The following PARD3 variants were observed in gnomAD, a reference collection of about 807,000 sequenced individuals.
PARD3 encodes partitioning defective 3 homolog.
A neutral mutation model predicts 155.4 loss-of-function variants in PARD3; 75 were observed. The ratio of observed to expected loss-of-function variants is 0.48; its 90% CI spans 0.40 to 0.58. PARD3 has a LOEUF of 0.58. PARD3 is among the 20% of genes least tolerant of loss of function. The probability of loss-of-function intolerance (pLI) is 0.00; values close to 1 mark genes in which losing one functional copy is unlikely to be tolerated. For synonymous variants in PARD3, 576 were observed against 610.5 expected (o/e 0.94, Z 0.83); for missense variants, 1,642 against 1,721.7 (o/e 0.95, Z 0.82).
At chr10:34,691,193 C>G (rs1014703380) in intron 2 of PARD3, among the ~76,000 whole-genome samples, 13 of 152,058 alleles carry the variant, frequency 8.5e-5, no homozygotes, top group African/African-American at 3.1e-4. Flanking sequence ...CCTAGAAAAC[C>G]CCACAGTCTC....
rs972526137 is a variant in PARD3, at chr10:34,508,814, C to T, written c.403+8165G>A. Among the ~76,000 whole-genome samples the T allele has an allele frequency of 1.6e-4, 24 of 152,290 alleles. 1 individual carries two copies. The highest frequency in any genetic ancestry group is 5.3e-4 in the African/African-American group (22 of 41,558). On this transcript the variant is annotated intron_variant, in intron 3 of 24. Coordinates refer to ENST00000374788, the MANE Select transcript of PARD3 (RefSeq NM_001184785.2). ...GCTGAGTAACGTCTCAACCTCTTTA[C>T]ACATCCCCAGGAAGTGGATCTGCAC...
At chr10:34,316,265 A>G (rs1214981057) in intron 20 of PARD3, among the ~76,000 whole-genome samples, 1 of 152,232 alleles carries the variant, frequency 6.6e-6, no homozygotes, top group Admixed American at 6.5e-5. Context: ...AGCAATCTTT[A>G]TATTTAACAT....
chr10:34,210,079 T>G lies in PARD3; in HGVS notation c.3419+59578A>C, dbSNP rs181346739. ...GAATTCATAACAAAATGTGAACATG[T>G]GAGTGATACTGTGTCTTTATGAAAT... On this transcript the variant is annotated intron_variant, in intron 22 of 24. Coordinates refer to ENST00000374788, the MANE Select transcript of PARD3 (RefSeq NM_001184785.2). 1.9e-4 allele frequency among the ~76,000 whole-genome samples: 29 copies of G among 152,338 alleles called. No homozygotes were observed. In the East Asian group the frequency reaches 5.4e-3, roughly 28 times the overall value.
chr10:34,766,785 T>C (rs1300472278), intron 1 of PARD3, among the ~76,000 whole-genome samples: 2 of 152,130 alleles, frequency 1.3e-5, no homozygotes, highest in African/African-American at 4.8e-5. Flanking sequence ...TGCACACAAT[T>C]ACAACGCAGG....
intron 22 of PARD3, among the ~76,000 whole-genome samples, chr10:34,208,684 C>A (rs950211474): frequency 6.6e-6 from 1 of 152,132 alleles, no homozygotes; most frequent in Non-Finnish European, 1.5e-5. Context: ...GCAGGGTGAG[C>A]GTTCAGGAAA....
At chr10:34,533,379 G>C (rs966633372) in intron 2 of PARD3, among the ~76,000 whole-genome samples, 1 of 151,884 alleles carries the variant, frequency 6.6e-6, no homozygotes, top group African/African-American at 2.4e-5. Flanking sequence ...TCAACATAAC[G>C]CAATATATCC....
At chr10:34,569,567 G>A (rs567320441) in intron 2 of PARD3, among the ~76,000 whole-genome samples, 52 of 151,976 alleles carry the variant, frequency 3.4e-4, no homozygotes, top group African/African-American at 1.0e-3. Context: ...ACAGGTGCCC[G>A]CCATCACACC....
At chr10:34,524,173 TA>T (rs1371594632) in intron 2 of PARD3, among the ~76,000 whole-genome samples, 1 of 152,180 alleles carries the variant, frequency 6.6e-6, no homozygotes, top group Non-Finnish European at 1.5e-5. Context: ...CAATCTTTAA[TA>T]AAGCCATTTC....
intron 5 of PARD3, among the ~76,000 whole-genome samples, chr10:34,405,089 C>T (rs1589449666): frequency 6.8e-6 from 1 of 147,314 alleles, no homozygotes; most frequent in Admixed American, 6.7e-5. Context: ...AACACACACA[C>T]ACACACACAC....
intron 1 of PARD3, among the ~76,000 whole-genome samples, chr10:34,799,666 T>C (rs962811249): frequency 6.6e-6 from 1 of 152,172 alleles, no homozygotes; most frequent in African/African-American, 2.4e-5. Flanking sequence ...AGCAACTCAC[T>C]GTGCAGGCTC....
intron 5 of PARD3, among the ~76,000 whole-genome samples, chr10:34,435,849 T>C (rs2076161703): frequency 6.6e-6 from 1 of 152,170 alleles, no homozygotes; most frequent in Admixed American, 6.5e-5. Flanking sequence ...TGGGCAAAAG[T>C]TACTGTTGAG....
chr10:34,547,247 G>A (rs2084154755), intron 2 of PARD3, among the ~76,000 whole-genome samples: 3 of 152,140 alleles, frequency 2.0e-5, no homozygotes, highest in Admixed American at 2.0e-4. Flanking sequence ...CTTAAAAACT[G>A]GATTACTTAC....
intron 2 of PARD3, among the ~76,000 whole-genome samples, chr10:34,673,746 C>T (rs1295531790): frequency 6.6e-6 from 1 of 152,070 alleles, no homozygotes; most frequent in Non-Finnish European, 1.5e-5. Flanking sequence ...AAACAAGAGA[C>T]AGAGAAGAAA....
chr10:34,709,443 CG>C (rs2094417959), intron 1 of PARD3, among the ~76,000 whole-genome samples: 1 of 152,040 alleles, frequency 6.6e-6, no homozygotes. Flanking sequence ...ATTAGGAGTG[CG>C]AACAGGAAAA....
chr10:34,111,431 A>G lies in PARD3; in HGVS notation c.3800T>C (p.Leu1267Pro). ...SSYQGSRNGY[L>P]GGHGFNARVM... ...CCTGGCGTTGAAGCCATGTCCTCCC[A>G]GGTAGCCGTTCCTGGAGCCTTGGTA... The change falls in exon 25 of 25, where the codon CTG becomes CCG. Residue 1267 changes from leucine to proline, a missense_variant. Physicochemically the swap from Leu to Pro is moderately conservative, Grantham distance 98. Around this residue, in one of 3 missense-constraint regions of PARD3, gnomAD observed 1,529 missense variants for 1,587.3 expected, o/e 0.96. Coordinates refer to ENST00000374788, the MANE Select transcript of PARD3 (RefSeq NM_001184785.2). 8 of 1,614,176 alleles carry G rather than the reference A, an allele frequency of 5.0e-6. No individual in the cohort carries two copies. The highest frequency in any genetic ancestry group is 6.8e-6 in the Non-Finnish European group (8 of 1,180,030).
At chr10:34,356,172 C>T (rs11009751) in intron 14 of PARD3, among the ~76,000 whole-genome samples, 1 of 152,108 alleles carries the variant, frequency 6.6e-6, no homozygotes, top group African/African-American at 2.4e-5. Context: ...GAGAATGTCT[C>T]CAATGTGCCC....
At chr10:34,765,609 C>CA (rs1409271329) in intron 1 of PARD3, among the ~76,000 whole-genome samples, 1 of 150,664 alleles carries the variant, frequency 6.6e-6, no homozygotes, top group African/African-American at 2.4e-5. Flanking sequence ...ACCTAGGAGG[C>CA]AGAAATTGCA....
intron 15 of PARD3, chr10:34,343,306 A>C: frequency 2.1e-6 from 2 of 941,528 alleles, no homozygotes; most frequent in Non-Finnish European, 2.5e-6. Flanking sequence ...TTTTAAACAC[A>C]AAACTAAAAC....
intron 1 of PARD3, among the ~76,000 whole-genome samples, chr10:34,779,452 TA>T (rs912860116): frequency 2.7e-5 from 4 of 147,798 alleles, no homozygotes; most frequent in South Asian, 2.2e-4. Context: ...CCACTAAAAA[TA>T]AAAAAAAAAT....
Sources: gnomAD v4.1 joint callset for allele counts (sites outside exome capture counted in the v4.1 genomes callset) on GRCh38, gnomAD v4.1.1 for gene constraint, gnomAD v4.1.1 regional missense constraint, MANE v1.5 for transcripts, NCBI Gene and HGNC (gene_info 2026-07-23, HGNC 2026-07-21) for gene names.